CEP295: variants seen among roughly 807,000 people sequenced by gnomAD.
CEP295 encodes the protein centrosomal protein 295.
A neutral mutation model predicts 291.6 loss-of-function variants in CEP295; 190 were observed. The observed-to-expected ratio is 0.65, with a 90% CI of 0.58 to 0.73. The LOEUF (loss-of-function observed/expected upper bound fraction) is 0.73, where lower values mean the gene tolerates loss of function less well. Ranked by LOEUF, CEP295 falls within the 30% of genes least tolerant of loss-of-function variation. The pLI, the probability that CEP295 is intolerant of heterozygous loss-of-function variation, is 0.00. For synonymous variants in CEP295, 993 were observed against 1,038.8 expected, an observed-to-expected ratio of 0.96 and a Z score of 0.85; for missense variants, 2,863 against 2,949.4, an observed-to-expected ratio of 0.97 and a Z score of 0.68.
At chr11:93,712,614 A>G (rs1412163782) in intron 18 of CEP295, among the ~76,000 whole-genome samples, 4 of 152,058 alleles carry the variant, frequency 2.6e-5, no homozygotes, top group Admixed American at 2.6e-4. Flanking sequence ...TTCCATTTGC[A>G]TCTTTTTCAA....
intron 18 of CEP295, among the ~76,000 whole-genome samples, chr11:93,720,036 A>G (rs1329899800): frequency 6.9e-6 from 1 of 144,880 alleles, no homozygotes; most frequent in Non-Finnish European, 1.5e-5. Context: ...AAAGTAATAT[A>G]TGCTCATTAT....
At position 93,702,646 on chromosome 11, in the gene CEP295, A is replaced by T; in HGVS notation, c.5452+9A>T. ...TAGTGCCAAGCAAAGTGGTAAGATAATTGTGTTTGATTGTAATTATTTCAC... is the reference window on the plus strand; with the variant it reads ...TAGTGCCAAGCAAAGTGGTAAGATATTTGTGTTTGATTGTAATTATTTCAC... On this transcript the variant is annotated intron_variant, in intron 16 of 29. Coordinates refer to ENST00000325212, the MANE Select transcript of CEP295 (RefSeq NM_033395.2). The T allele has an allele frequency of 6.5e-7, 1 of 1,535,818 alleles. No individual in the cohort carries two copies. The highest frequency in any genetic ancestry group is 8.8e-7 in the Non-Finnish European group (1 of 1,139,456).
rs67879380 is a variant in CEP295, at chr11:93,726,994, A to C, written c.6518A>C (p.Glu2173Ala). 158,614 of 1,520,670 alleles carry C rather than the reference A, an allele frequency of 0.1. 9,189 individuals carry two copies. The highest frequency in any genetic ancestry group is 0.22 in the East Asian group (8,778 of 40,658). 94.2% of individuals were successfully genotyped at this position (1,520,670 alleles called of 1,614,324 possible). ...AATGCAGGATCTGAACAATGTTTTG[A>C]ACAGCTTCAGCCAGAATATTCTTCA... Reference protein sequence around the residue: ...NIIGGSEQCFEQLQPEYSSQE... With the variant: ...NIIGGSEQCFAQLQPEYSSQE... The change falls in exon 24 of 30, where the codon GAA becomes GCA. Residue 2173 changes from glutamate (E) to alanine (A), a missense_variant. Around this residue, in one of 3 missense-constraint regions of CEP295, gnomAD observed 2,295 missense variants for 2,335.7 expected, o/e 0.98. Coordinates refer to ENST00000325212, the MANE Select transcript of CEP295 (RefSeq NM_033395.2).
rs986697664 is a variant in CEP295 at position 93,709,355 on chromosome 11, C to G, written c.5749+2458C>G. On this transcript the variant is annotated intron_variant, in intron 18 of 29. Coordinates refer to ENST00000325212, the MANE Select transcript of CEP295 (RefSeq NM_033395.2). ...AGGGATAGGGTCTAGTTTTATTCTT[C>G]CATATGTGGGTATCCAGTCTTCCCA... Among the ~76,000 whole-genome samples the G allele has an allele frequency of 1.2e-3, 175 of 152,126 alleles. 1 individual carries two copies. The highest frequency in any genetic ancestry group is 4.0e-3 in the African/African-American group (166 of 41,422).
rs140588387 is a variant in CEP295 at position 93,687,828 on chromosome 11, C to A, written c.1299C>A (p.Ala433=). ...CAACGGTTGAGTCAGGAACAATTGC[C>A]AGCAAAGAGAGAACGTTATCCTCTG... ...KAPTVESGTI[A]SKERTLSSGQ... Residue 433 remains alanine (A), a synonymous_variant, in exon 10 of 30, where the codon GCC becomes GCA. Coordinates refer to ENST00000325212, the MANE Select transcript of CEP295 (RefSeq NM_033395.2). The A allele has an allele frequency of 6.4e-7, 1 of 1,551,090 alleles. No homozygotes were observed. Among genetic ancestry groups the A allele is most frequent in the Non-Finnish European group, 8.7e-7 (1 of 1,146,622 alleles).
chr11:93,686,296 G>T (rs1951235281), intron 9 of CEP295, among the ~76,000 whole-genome samples: 1 of 147,142 alleles, frequency 6.8e-6, no homozygotes, highest in Non-Finnish European at 1.5e-5. Flanking sequence ...TCCAGCCTGG[G>T]CAACAAGAGT....
At chr11:93,666,561 TC>T (rs1950215841) in intron 1 of CEP295, 120 bp from the exon 2 acceptor site, 1 of 513,226 alleles carries the variant, frequency 1.9e-6, no homozygotes, top group Non-Finnish European at 3.5e-6. Context: ...ACCACTGCCC[TC>T]CAGCCTGGGT....
At chr11:93,704,888 A>T (rs1952418178) in intron 17 of CEP295, among the ~76,000 whole-genome samples, 1 of 152,176 alleles carries the variant, frequency 6.6e-6, no homozygotes, top group Non-Finnish European at 1.5e-5. Context: ...AAGTATTTTA[A>T]GTATTTCTTC....
chr11:93,678,693 C>T (rs942307532), intron 6 of CEP295, among the ~76,000 whole-genome samples: 20 of 151,862 alleles, frequency 1.3e-4, no homozygotes, highest in African/African-American at 4.4e-4. Context: ...TTTGGGAGGC[C>T]GAGATGGGAG....
chr11:93,714,161 C>A (rs1080367), intron 18 of CEP295, among the ~76,000 whole-genome samples: 53,877 of 151,894 alleles, frequency 0.35, 10,055 homozygotes, highest in South Asian at 0.49. Flanking sequence ...GCCCTTGGTC[C>A]CTTATTTAGT....
chr11:93,729,420 T>C lies in CEP295; in HGVS notation c.7303-14T>C, dbSNP rs554058476. 9.2e-6 allele frequency: 14 copies of C among 1,526,068 alleles called. No homozygotes were observed. The East Asian group carries it at 2.2e-4, about 24-fold the overall frequency. 94.5% of individuals were successfully genotyped at this position (1,526,068 alleles called of 1,614,324 possible). ...GTTTAAAAAGAGTAAAACATGCAAC[T>C]TTCTTGCCATTAGGTGAGTGAGTTT... On this transcript the variant is annotated splice_polypyrimidine_tract_variant and intron_variant, in intron 25 of 29. Transcript: ENST00000325212.
chr11:93,724,052 C>G lies in CEP295; in HGVS notation c.6197-202C>G, dbSNP rs148503155. The G allele has an allele frequency of 1.8e-4, 70 of 385,858 alleles. 1 individual carries two copies. In the East Asian group the frequency reaches 3.2e-3, roughly 18 times the overall value. The allele number at this position is 385,858 out of a possible 1,614,324, so 23.9% of individuals were successfully genotyped here. On this transcript the variant is annotated intron_variant, in intron 21 of 29. Transcript: ENST00000325212. ...CACTGAGAGGATCCATATTTTGGAC[C>G]TTTGAAATAATCATGATAGGACTTA...
At chr11:93,718,738 TA>T (rs1379104250) in intron 18 of CEP295, among the ~76,000 whole-genome samples, 1 of 152,158 alleles carries the variant, frequency 6.6e-6, no homozygotes, top group African/African-American at 2.4e-5. Context: ...AAGAAAAAAT[TA>T]AAACTCACTA....
intron 5 of CEP295, among the ~76,000 whole-genome samples, chr11:93,672,021 A>G (rs1272059469): frequency 2.0e-5 from 3 of 152,180 alleles, no homozygotes; most frequent in Admixed American, 2.0e-4. Context: ...TTTTTTATTC[A>G]TATCTAATTT....
chr11:93,675,029 A>C (rs1171777373), intron 5 of CEP295, among the ~76,000 whole-genome samples: 1 of 152,204 alleles, frequency 6.6e-6, no homozygotes, highest in Non-Finnish European at 1.5e-5. Context: ...GGAAGGGGGA[A>C]GGTAGTTTAC....
chr11:93,677,476 G>A (rs1007018635), intron 6 of CEP295, among the ~76,000 whole-genome samples: 1 of 152,098 alleles, frequency 6.6e-6, no homozygotes, highest in African/African-American at 2.4e-5. Flanking sequence ...GTGGCCTGCT[G>A]TAGTCCTACT....
At chr11:93,696,202 A>T in intron 13 of CEP295, 118 bp from the exon 14 acceptor site, 1 of 605,538 alleles carries the variant, frequency 1.7e-6, no homozygotes, top group Non-Finnish European at 2.8e-6. Context: ...TGGAAATGCC[A>T]GTCATTTTAT....
rs567007316 is a variant in CEP295, at chr11:93,661,834, C to G, written c.-27+60C>G. ...CGTAGGAGCATGACTCCCCGAGGCC[C>G]AAGAGCTGGGATTGTATTCCGGAGG... On this transcript the variant is annotated intron_variant, in intron 1 of 29. Transcript: ENST00000325212. 2.0e-5 allele frequency: 3 copies of G among 152,802 alleles called. No homozygotes were observed. The South Asian group carries it at 6.2e-4, about 32-fold the overall frequency. The allele number at this position is 152,802 out of a possible 1,614,324, so 9.5% of individuals were successfully genotyped here. A position where few individuals can be genotyped will look rare whatever the true frequency, so the allele number is the denominator to read the frequency against.
chr11:93,679,822 G>A (rs1950877106), intron 7 of CEP295, among the ~76,000 whole-genome samples: 1 of 152,138 alleles, frequency 6.6e-6, no homozygotes, highest in Admixed American at 6.5e-5. Context: ...AAAACAGCCT[G>A]AGGAAAAAAA....
Sources: gnomAD v4.1 joint callset for allele counts (sites outside exome capture counted in the v4.1 genomes callset) on GRCh38, gnomAD v4.1.1 for gene constraint, gnomAD v4.1.1 regional missense constraint, MANE v1.5 for transcripts, NCBI Gene and HGNC (gene_info 2026-07-23, HGNC 2026-07-21) for gene names.